The following ATP13A4 variants were observed in gnomAD, a reference collection of about 807,000 sequenced individuals.
ATP13A4 encodes the protein probable cation-transporting ATPase 13A4.
Under a neutral mutation model 142.5 loss-of-function variants are expected in ATP13A4, and 114 were observed. That is an observed-to-expected ratio of 0.80 (90% CI 0.69 to 0.93). The LOEUF (loss-of-function observed/expected upper bound fraction) is 0.93, where lower values mean the gene tolerates loss of function less well. Ranked by LOEUF, ATP13A4 falls within the 40% of genes least tolerant of loss-of-function variation. ATP13A4 has a pLI of 0.00. For missense variants in ATP13A4, 1,392 were observed against 1,454.0 expected, an observed-to-expected ratio of 0.96 and a Z score of 0.69; for synonymous variants, 488 against 514.8, an observed-to-expected ratio of 0.95 and a Z score of 0.70.
Position 193,457,092 on chromosome 3 carries a change from A to G in ATP13A4, c.1823T>C (p.Met608Thr), listed in dbSNP as rs1484575961. ...QFPFSSALQR[M>T]TVIVQEMGGD... ...TCCCATCTCTTGGACAATGACTGTC[A>G]TTCTTTGCAGTGCCGATGAGAATGG... Residue 608 changes from methionine to threonine, a missense_variant, in exon 16 of 30, where the codon ATG (methionine) becomes ACG (threonine). Met to Thr is a moderately conservative substitution (Grantham distance 81, BLOSUM62 -1). Transcript: ENST00000342695. The G allele has an allele frequency of 3.7e-6, 6 of 1,613,840 alleles. No homozygotes were observed. In the Admixed American group the frequency reaches 1.0e-4, roughly 27 times the overall value.
intron 17 of ATP13A4, among the ~76,000 whole-genome samples, chr3:193,450,471 T>C (rs1003799198): frequency 1.3e-5 from 2 of 152,204 alleles, no homozygotes; most frequent in African/African-American, 4.8e-5. Flanking sequence ...GAGACTGTAG[T>C]AGCAGAGACT....
chr3:193,568,513 G>C (rs892289509), intron 2 of ATP13A4, among the ~76,000 whole-genome samples: 2 of 152,186 alleles, frequency 1.3e-5, no homozygotes, highest in Non-Finnish European at 1.5e-5. Flanking sequence ...GAGCATGTGC[G>C]AGGCTGTGAA....
chr3:193,448,151 A>G, intron 18 of ATP13A4, 55 bp downstream of exon 18: 1 of 1,604,840 alleles, frequency 6.2e-7, no homozygotes, highest in Non-Finnish European at 8.5e-7. Context: ...TGAGTGAACC[A>G]TGTCTATTTC....
chr3:193,583,651 G>T (rs1258440342), intron 1 of ATP13A4, among the ~76,000 whole-genome samples: 2 of 108,936 alleles, frequency 1.8e-5, no homozygotes, highest in Non-Finnish European at 3.8e-5. Flanking sequence ...ATTTATTACA[G>T]GGACAAGAAA....
In ATP13A4 at chr3:193,448,240, G is replaced by T; in HGVS notation, c.2118C>A (p.Leu706=). ...KEETKPVLEE[L]ISARIRTVMI... The stretch of plus-strand genomic sequence containing the variant: ...TTACAGTCCTTATCCGGGCTGAGAT[G>T]AGCTCTTCCAAGACAGGTTTTGTCT... Residue 706 remains leucine (L), a synonymous_variant, in exon 18 of 30, where the codon CTC becomes CTA. Transcript: ENST00000342695. 2 of 1,614,140 alleles carry T rather than the reference G, an allele frequency of 1.2e-6. No homozygotes were observed. Among genetic ancestry groups the T allele is most frequent in the Non-Finnish European group, 1.7e-6 (2 of 1,180,018 alleles).
chr3:193,527,519 T>C (rs1722073093), intron 1 of ATP13A4, among the ~76,000 whole-genome samples: 4 of 151,070 alleles, frequency 2.6e-5, no homozygotes, highest in Admixed American at 6.6e-5. Context: ...AGCGGAGGCA[T>C]GAGAATCACT....
intron 8 of ATP13A4, among the ~76,000 whole-genome samples, chr3:193,474,759 GAA>G (rs2108651226): frequency 6.6e-6 from 1 of 151,716 alleles, no homozygotes; most frequent in East Asian, 1.9e-4. Flanking sequence ...GAAAAAGAAA[GAA>G]AGAGAAAGAA....
intron 1 of ATP13A4, among the ~76,000 whole-genome samples, chr3:193,535,495 AC>A (rs2108708120): frequency 6.6e-6 from 1 of 152,268 alleles, no homozygotes; most frequent in East Asian, 1.9e-4. Context: ...TTGAATGAAA[AC>A]AAAGGCACGG....
chr3:193,525,857 C>T (rs1721973358), intron 1 of ATP13A4, among the ~76,000 whole-genome samples: 1 of 152,158 alleles, frequency 6.6e-6, no homozygotes, highest in South Asian at 2.1e-4. Flanking sequence ...CACCATATAA[C>T]CAAATCCCCT....
rs781736571 is a variant in ATP13A4 at position 193,402,282 on chromosome 3, T to C, written c.*370A>G. On this transcript the variant is annotated 3_prime_UTR_variant, in exon 30 of 30. Coordinates refer to ENST00000342695, the MANE Select transcript of ATP13A4 (RefSeq NM_032279.4). ...AATTCAAAAATTACAACTCCGTGAGTATACACAGTACTACTTCCCCTCAAC... is the reference window on the plus strand; with the variant it reads ...AATTCAAAAATTACAACTCCGTGAGCATACACAGTACTACTTCCCCTCAAC... 9.3e-6 allele frequency: 2 copies of C among 214,514 alleles called. No homozygotes were observed. The highest frequency in any genetic ancestry group is 1.9e-5 in the Non-Finnish European group (2 of 106,318). The allele number at this position is 214,514 out of a possible 1,614,324, so 13.3% of individuals were successfully genotyped here. A position where few individuals can be genotyped will look rare whatever the true frequency, so the allele number is the denominator to read the frequency against.
At chr3:193,543,706 C>T (rs1230702977) in intron 1 of ATP13A4, among the ~76,000 whole-genome samples, 1 of 152,178 alleles carries the variant, frequency 6.6e-6, no homozygotes, top group Non-Finnish European at 1.5e-5. Flanking sequence ...TCCACGAAGT[C>T]ATAAATTTTC....
At chr3:193,492,892 G>A (rs1560229470) in intron 5 of ATP13A4, 25 bp downstream of exon 5, 7 of 1,538,396 alleles carry the variant, frequency 4.6e-6, no homozygotes, top group South Asian at 2.2e-5. Flanking sequence ...TTTTGAGCTA[G>A]TATAGGCAAT....
intron 5 of ATP13A4, among the ~76,000 whole-genome samples, chr3:193,491,899 A>C (rs940612317): frequency 3.9e-5 from 6 of 152,206 alleles, no homozygotes; most frequent in Non-Finnish European, 8.8e-5. Context: ...ATAGCTCTAC[A>C]CACATAATTA....
At chr3:193,558,235 T>C (rs1723944681), upstream of ATP13A4, among the ~76,000 whole-genome samples, 1 of 152,260 alleles carries the variant, frequency 6.6e-6, no homozygotes, top group African/African-American at 2.4e-5. Context: ...CTTCTATTTC[T>C]CTTAGGAACA....
rs757763619 is a variant in ATP13A4, at chr3:193,412,198, C to G, written c.3188G>C (p.Arg1063Thr). 8 of 1,610,686 alleles carry G rather than the reference C, an allele frequency of 5.0e-6. No individual in the cohort carries two copies. The highest frequency in any genetic ancestry group is 6.8e-6 in the Non-Finnish European group (8 of 1,177,038). Reference protein sequence around the residue: ...ALVFSKGKPFRQPTYTNYIFV... With the variant: ...ALVFSKGKPFTQPTYTNYIFV... The stretch of plus-strand genomic sequence containing the variant: ...CTCACAGTTTGTATAAGTTGGCTGT[C>G]TAAATGGTTTTCCTTTAGAGAACAC... Residue 1063 changes from arginine to threonine, a missense_variant, in exon 27 of 30, where the codon AGA becomes ACA. By Grantham distance (71) the Arg-to-Thr change is moderately conservative. Transcript: ENST00000342695.
At chr3:193,452,944 A>T (rs1717370520) in intron 17 of ATP13A4, among the ~76,000 whole-genome samples, 1 of 151,860 alleles carries the variant, frequency 6.6e-6, no homozygotes, top group Admixed American at 6.6e-5. Context: ...TTGGGAGGAG[A>T]TTGTACTGTT....
chr3:193,557,146 T>C (rs1303895189), upstream of ATP13A4, among the ~76,000 whole-genome samples: 1 of 152,222 alleles, frequency 6.6e-6, no homozygotes, highest in Non-Finnish European at 1.5e-5. Context: ...AATCAGGTCA[T>C]GCTGCTACAA....
At chr3:193,431,827 TG>T (rs1715993765) in intron 25 of ATP13A4, among the ~76,000 whole-genome samples, 1 of 151,750 alleles carries the variant, frequency 6.6e-6, no homozygotes, top group East Asian at 1.9e-4. Context: ...CAAACTGTTT[TG>T]GGGAGCAACA....
At chr3:193,471,745 C>T (rs535367647) in intron 8 of ATP13A4, among the ~76,000 whole-genome samples, 10 of 152,252 alleles carry the variant, frequency 6.6e-5, no homozygotes, top group African/African-American at 2.4e-4. Context: ...TTCATTCTTA[C>T]CCATGATAAG....
Sources: gnomAD v4.1 joint callset for allele counts (sites outside exome capture counted in the v4.1 genomes callset) on GRCh38, gnomAD v4.1.1 for gene constraint, MANE v1.5 for transcripts, NCBI Gene and HGNC (gene_info 2026-07-23, HGNC 2026-07-21) for gene names.